Variants in KDM4A observed in about 807,000 individuals in gnomAD.
The protein encoded by KDM4A is lysine demethylase 4A, also known as lysine-specific demethylase 4A.
Under a neutral mutation model 127.1 loss-of-function variants are expected in KDM4A, and 23 were observed. The ratio of observed to expected loss-of-function variants is 0.18; its 90% CI spans 0.13 to 0.26. The LOEUF is 0.26. KDM4A is among the 10% of genes least tolerant of loss of function. The probability of loss-of-function intolerance (pLI) is 1.00; values close to 1 mark genes in which losing one functional copy is unlikely to be tolerated. For missense variants in KDM4A, 890 were observed against 1,329.1 expected, an observed-to-expected ratio of 0.67 and a Z score of 5.14; for synonymous variants, 443 against 466.5, an observed-to-expected ratio of 0.95 and a Z score of 0.65.
Position 43,697,465 on chromosome 1 carries a change from C to T in KDM4A, c.2671-378C>T, listed in dbSNP as rs113338678. ...TAAGATGTGGTGCAGCTTTGCCTGG[C>T]GGCCCAGGCCTCAGGGCACCTATTG... On this transcript the variant is annotated intron_variant, in intron 18 of 21. Transcript: ENST00000372396. Among the ~76,000 whole-genome samples, 875 of 152,320 alleles carry T rather than the reference C, an allele frequency of 5.7e-3. 12 individuals are homozygous for T. The highest frequency in any genetic ancestry group is 0.019 in the African/African-American group (801 of 41,570).
Position 43,653,174 on chromosome 1 carries a change from A to C in KDM4A, c.-2A>C, listed in dbSNP as rs745446743. ...CTAAAGGGACCTCAAAAAGGAGGGAAAATGGCTTCTGAGTCTGAAACTCTG... is the reference window on the plus strand; with the variant it reads ...CTAAAGGGACCTCAAAAAGGAGGGACAATGGCTTCTGAGTCTGAAACTCTG... On this transcript the variant is annotated 5_prime_UTR_variant, in exon 2 of 22. Transcript: ENST00000372396. The C allele has an allele frequency of 6.2e-7, 1 of 1,609,886 alleles. No homozygotes were observed. Among genetic ancestry groups the C allele is most frequent in the Admixed American group, 1.7e-5 (1 of 59,562 alleles).
intron 19 of KDM4A, among the ~76,000 whole-genome samples, chr1:43,701,762 C>T (rs569342995): frequency 2.4e-4 from 36 of 152,324 alleles, no homozygotes; most frequent in African/African-American, 8.4e-4. Flanking sequence ...TGAGGGATTA[C>T]AGGCATGAGC....
intron 1 of KDM4A, chr1:43,650,502 C>T (rs1165868312): frequency 6.6e-6 from 1 of 152,374 alleles, no homozygotes; most frequent in Non-Finnish European, 1.5e-5. Flanking sequence ...TGCGGCCGAG[C>T]TTCACTCGCC....
chr1:43,687,456 A>C (rs1414044627), intron 12 of KDM4A, among the ~76,000 whole-genome samples: 1 of 152,192 alleles, frequency 6.6e-6, no homozygotes, highest in Non-Finnish European at 1.5e-5. Context: ...AGCGAGATGC[A>C]TGGATCCCCT....
chr1:43,674,132 G>T (rs1660687824), intron 11 of KDM4A, among the ~76,000 whole-genome samples: 1 of 152,058 alleles, frequency 6.6e-6, no homozygotes, highest in Admixed American at 6.6e-5. Context: ...TCGTAGAGAT[G>T]GGGTTTCAAC....
chr1:43,670,656 C>T (rs942896287), intron 10 of KDM4A, among the ~76,000 whole-genome samples: 9 of 150,892 alleles, frequency 6.0e-5, no homozygotes, highest in Non-Finnish European at 1.2e-4. Flanking sequence ...CTCCGCCTCC[C>T]GGGTTCAAGT....
chr1:43,684,019 G>A (rs1660915817), intron 12 of KDM4A, among the ~76,000 whole-genome samples: 1 of 152,224 alleles, frequency 6.6e-6, no homozygotes, highest in Non-Finnish European at 1.5e-5. Context: ...TACCTTAATA[G>A]GGGATAATTG....
At chr1:43,664,928 TCTC>T (rs1455021914) in intron 5 of KDM4A, among the ~76,000 whole-genome samples, 1 of 152,218 alleles carries the variant, frequency 6.6e-6, no homozygotes, top group Non-Finnish European at 1.5e-5. Flanking sequence ...CAACTCTTCT[TCTC>T]TGTTTTGTTT....
Position 43,655,745 on chromosome 1 carries a change from G to A in KDM4A, c.293G>A (p.Arg98His), listed in dbSNP as rs766121518. 11 of 1,611,028 alleles carry A rather than the reference G, an allele frequency of 6.8e-6. No homozygotes were observed. The highest frequency in any genetic ancestry group is 1.3e-5 in the African/African-American group (1 of 74,816). The change falls in exon 3 of 22, where the codon CGC becomes CAC. Residue 98 changes from arginine to histidine, a missense_variant. Coordinates refer to ENST00000372396, the MANE Select transcript of KDM4A (RefSeq NM_014663.3). ...AAAGCCATGACTGTTCGAGAGTTCC[G>A]CAAGATAGCCAATAGCGATAAGTGA... is the stretch of plus-strand genomic sequence containing the variant. ...QKKAMTVREF[R>H]KIANSDKYCT...
chr1:43,683,828 A>G, intron 12 of KDM4A, 24 bp downstream of exon 12: 3 of 1,612,806 alleles, frequency 1.9e-6, no homozygotes, highest in East Asian at 2.2e-5. Flanking sequence ...TTTCTTCACC[A>G]GGAGGAAAGC....
chr1:43,661,614 A>AG (rs1162574175), intron 4 of KDM4A, among the ~76,000 whole-genome samples: 1 of 139,030 alleles, frequency 7.2e-6, no homozygotes, highest in African/African-American at 2.8e-5. Context: ...GTCTCAAAAA[A>AG]AAAAAAAAAA....
In KDM4A at chr1:43,676,088, TA is replaced by T. The variant is rs533210766; in HGVS notation, c.1734+4231del. ...AGAGTGAAACTTTACCTCAAAAAGA[TA>T]AAAAAAAAAAAAAAAAAGCAAGAAA... On this transcript the variant is annotated intron_variant, in intron 11 of 21. Transcript: ENST00000372396. Among the ~76,000 whole-genome samples, 909 of 91,194 alleles carry T rather than the reference TA, an allele frequency of 1.0e-2. 11 individuals are homozygous for T. The highest frequency in any genetic ancestry group is 0.028 in the African/African-American group (609 of 22,050). 59.8% of individuals were successfully genotyped at this position (91,194 alleles called of 152,430 possible). A position where few individuals can be genotyped will look rare whatever the true frequency, so the allele number is the denominator to read the frequency against.
At chr1:43,702,936 CAGG>C (rs1440372659) in intron 19 of KDM4A, among the ~76,000 whole-genome samples, 3 of 151,616 alleles carry the variant, frequency 2.0e-5, no homozygotes. Context: ...GAGGCTGAGG[CAGG>C]AGGATTGCTA....
At chr1:43,675,363 G>A (rs1049431398) in intron 11 of KDM4A, among the ~76,000 whole-genome samples, 5 of 152,228 alleles carry the variant, frequency 3.3e-5, no homozygotes, top group African/African-American at 9.6e-5. Flanking sequence ...TTAATGATAC[G>A]TGTTGTGGTA....
chr1:43,691,155 GT>G, intron 14 of KDM4A, 106 bp downstream of exon 14: 1 of 1,146,694 alleles, frequency 8.7e-7, no homozygotes, highest in Non-Finnish European at 1.3e-6. Context: ...GATTGTTGAT[GT>G]TTTATTGGGG....
At chr1:43,691,845 C>T (rs544380567) in intron 15 of KDM4A, among the ~76,000 whole-genome samples, 8 of 152,174 alleles carry the variant, frequency 5.3e-5, no homozygotes, top group Admixed American at 2.0e-4. Flanking sequence ...AAGAATTTAG[C>T]CATTTTGAAT....
At chr1:43,659,511 G>A (rs1040095274) in intron 3 of KDM4A, among the ~76,000 whole-genome samples, 1 of 152,016 alleles carries the variant, frequency 6.6e-6, no homozygotes, top group Non-Finnish European at 1.5e-5. Flanking sequence ...TAGAGACCAG[G>A]TTTCACCATG....
Position 43,694,104 on chromosome 1 carries a change from T to TAA in KDM4A, c.2484+3_2484+4dup. On this transcript the variant is annotated splice_region_variant and intron_variant, in intron 17 of 21. Coordinates refer to ENST00000372396, the MANE Select transcript of KDM4A (RefSeq NM_014663.3). The surrounding 1 kb of genome is among the most constrained non-coding windows in gnomAD (Gnocchi z 5.2). ...ATCCCCCTGCCCCGCTTCAAACTGG[T>TAA]AAGGGCTTGTAGACTCTACATAATT... 1 of 1,608,416 alleles carries TAA rather than the reference T, an allele frequency of 6.2e-7. No homozygotes were observed.
chr1:43,701,242 T>G (rs1661384458), intron 19 of KDM4A, among the ~76,000 whole-genome samples: 1 of 152,186 alleles, frequency 6.6e-6, no homozygotes, highest in South Asian at 2.1e-4. Flanking sequence ...AAATTACATT[T>G]GTTAGTATCA....
Sources: gnomAD v4.1 joint callset for allele counts (sites outside exome capture counted in the v4.1 genomes callset) on GRCh38, gnomAD v4.1.1 for gene constraint, Gnocchi (gnomAD v3.1) non-coding constraint, MANE v1.5 for transcripts, NCBI Gene and HGNC (gene_info 2026-07-23, HGNC 2026-07-21) for gene names.